Variants in PSPH observed in about 807,000 individuals in gnomAD.
PSPH encodes the protein phosphoserine phosphatase.
PSPH carries 16 observed loss-of-function variants against 23.4 expected under a neutral mutation model. The observed-to-expected ratio is 0.68, with a 90% CI of 0.46 to 1.04. PSPH has a LOEUF of 1.04. Among genes scored for constraint, PSPH ranks in the 50% least tolerant of loss-of-function variants. The pLI is 0.00. For missense variants in PSPH, 223 were observed against 273.7 expected (o/e 0.81, Z 1.31); for synonymous variants, 68 against 99.7 (o/e 0.68, Z 1.89).
At chr7:56,048,673 G>A (rs1241211579) in intron 1 of PSPH, among the ~76,000 whole-genome samples, 1 of 151,844 alleles carries the variant, frequency 6.6e-6, no homozygotes, top group Admixed American at 6.6e-5. Flanking sequence ...TCACTCTGTC[G>A]CCGAGACTGG....
intron 1 of PSPH, among the ~76,000 whole-genome samples, chr7:56,050,564 G>T (rs976003618): frequency 6.6e-6 from 1 of 152,106 alleles, no homozygotes; most frequent in African/African-American, 2.4e-5. Context: ...CCCAGCCCTG[G>T]CCCCTAGTTG....
At chr7:56,038,527 A>G (rs1411744733) in intron 1 of PSPH, among the ~76,000 whole-genome samples, 1 of 151,920 alleles carries the variant, frequency 6.6e-6, no homozygotes, top group African/African-American at 2.4e-5. Flanking sequence ...CCTGAGGAAG[A>G]CACTCAGGAG....
chr7:56,044,711 G>A (rs1792998786), intron 1 of PSPH, among the ~76,000 whole-genome samples: 1 of 151,738 alleles, frequency 6.6e-6, no homozygotes, highest in Non-Finnish European at 1.5e-5. Flanking sequence ...GAGGTGGGAG[G>A]ATCACTTGAG....
intron 3 of PSPH, among the ~76,000 whole-genome samples, chr7:56,030,929 G>T (rs1471790988): frequency 6.8e-6 from 1 of 147,394 alleles, no homozygotes; most frequent in Non-Finnish European, 1.5e-5. Context: ...AAAAACTGAG[G>T]GGCCGGGCGC....
chr7:56,017,404 C>T, intron 5 of PSPH, 25 bp from the exon 6 acceptor site: 1 of 1,128,158 alleles, frequency 8.9e-7, no homozygotes, highest in Non-Finnish European at 1.2e-6. Flanking sequence ...ACAAAATACC[C>T]AACACTGAGT....
At chr7:56,015,286 G>A (rs1045143829) in intron 6 of PSPH, 115 bp from the exon 7 acceptor site, 19 of 1,185,568 alleles carry the variant, frequency 1.6e-5, no homozygotes, top group African/African-American at 1.1e-4. Context: ...AAAAATGGCC[G>A]TCGGTAAAGT....
intron 1 of PSPH, among the ~76,000 whole-genome samples, chr7:56,039,639 G>A (rs1277935045): frequency 6.6e-6 from 1 of 151,316 alleles, no homozygotes; most frequent in African/African-American, 2.4e-5. Context: ...AGCTGGGCAT[G>A]GTAGTACGTG....
At chr7:56,038,990 A>C (rs1792116405) in intron 1 of PSPH, among the ~76,000 whole-genome samples, 1 of 152,006 alleles carries the variant, frequency 6.6e-6, no homozygotes, top group African/African-American at 2.4e-5. Flanking sequence ...CTAAAAATAC[A>C]AAATTAGCTG....
intron 3 of PSPH, among the ~76,000 whole-genome samples, chr7:56,027,878 T>C (rs1177451952): frequency 6.5e-5 from 9 of 138,478 alleles, no homozygotes; most frequent in South Asian, 2.3e-4. Flanking sequence ...CACAGTAAGA[T>C]TCTTTCTCTA....
rs149224231 is a variant in PSPH at position 56,045,833 on chromosome 7, G to A, written c.-292+5305C>T. Among the ~76,000 whole-genome samples the A allele has an allele frequency of 8.9e-4, 131 of 146,564 alleles. No homozygotes were observed. The East Asian group carries it at 0.025, about 29-fold the overall frequency. On this transcript the variant is annotated intron_variant, in intron 1 of 7. Coordinates refer to ENST00000275605, the MANE Select transcript of PSPH (RefSeq NM_004577.4). ...ACCCAGGAAGCAGAAGCTGCAATGA[G>A]CCAAGATCATGCCACTGCACTCTAG...
chr7:56,027,278 A>G (rs1790338226), intron 3 of PSPH, among the ~76,000 whole-genome samples: 1 of 152,094 alleles, frequency 6.6e-6, no homozygotes, highest in African/African-American at 2.4e-5. Flanking sequence ...AATGCTCCTG[A>G]GAATGACTGA....
chr7:56,022,521 A>G (rs1347644253), intron 3 of PSPH, among the ~76,000 whole-genome samples: 1 of 152,076 alleles, frequency 6.6e-6, no homozygotes, highest in Non-Finnish European at 1.5e-5. Context: ...GTGTGAGCAA[A>G]GACAAGGAGA....
At chr7:56,028,939 A>G (rs1299656225) in intron 3 of PSPH, among the ~76,000 whole-genome samples, 1 of 151,794 alleles carries the variant, frequency 6.6e-6, no homozygotes, top group Non-Finnish European at 1.5e-5. Flanking sequence ...CTGCCTCCTG[A>G]GTAGCTGGAA....
At chr7:56,024,004 G>A (rs1264304115) in intron 3 of PSPH, among the ~76,000 whole-genome samples, 2 of 151,804 alleles carry the variant, frequency 1.3e-5, no homozygotes, top group Non-Finnish European at 2.9e-5. Context: ...TCCGCTCACT[G>A]CAAGCTCCAC....
At chr7:56,032,816 G>C (rs981358262) in intron 2 of PSPH, among the ~76,000 whole-genome samples, 1 of 151,574 alleles carries the variant, frequency 6.6e-6, no homozygotes, top group African/African-American at 2.4e-5. Context: ...GCCAGGCATG[G>C]TGGTGCGTAT....
rs1173661117 is a variant in PSPH at position 56,021,241 on chromosome 7, A to AT, written c.-19-11_-19-10insA. The AT allele has an allele frequency of 6.2e-7, 1 of 1,610,892 alleles. No individual in the cohort carries two copies. The highest frequency in any genetic ancestry group is 1.3e-5 in the African/African-American group (1 of 74,890). ...TGGAAGAATTTTCCTCCTACAAGAA[A>AT]AAAGATAAATGTATTTAAAGACATC... On this transcript the variant is annotated splice_polypyrimidine_tract_variant and intron_variant, in intron 3 of 7. Coordinates refer to ENST00000275605, the MANE Select transcript of PSPH (RefSeq NM_004577.4).
chr7:56,028,500 G>T (rs1046941240), intron 3 of PSPH, among the ~76,000 whole-genome samples: 2 of 152,120 alleles, frequency 1.3e-5, no homozygotes, highest in Non-Finnish European at 2.9e-5. Flanking sequence ...CCAAAGTGCT[G>T]GGATTATAAG....
intron 7 of PSPH, among the ~76,000 whole-genome samples, chr7:56,014,193 T>A (rs1413818399): frequency 6.6e-6 from 1 of 152,104 alleles, no homozygotes; most frequent in Non-Finnish European, 1.5e-5. Flanking sequence ...AATGAGGTAA[T>A]GTATGAGGAG....
chr7:56,024,140 C>G (rs1470111170), intron 3 of PSPH, among the ~76,000 whole-genome samples: 4 of 151,742 alleles, frequency 2.6e-5, no homozygotes. Context: ...TGGTCTCGAT[C>G]TCCTGACCTC....
Sources: allele counts gnomAD v4.1 joint callset (sites outside exome capture counted in the v4.1 genomes callset), GRCh38; gene constraint gnomAD v4.1.1; transcripts MANE v1.5; gene names NCBI Gene and HGNC (gene_info 2026-07-23, HGNC 2026-07-21).